The following RBM4 variants were observed in gnomAD, a reference collection of about 807,000 sequenced individuals.
RBM4 encodes RNA-binding protein 4.
RBM4 carries 7 observed loss-of-function variants against 29.5 expected under a neutral mutation model. That is an observed-to-expected ratio of 0.24 (90% confidence interval 0.14 to 0.45). RBM4 has a LOEUF of 0.45. RBM4 is among the 20% of genes least tolerant of loss of function. The pLI is 1.00. For synonymous variants in RBM4, 220 were observed against 205.4 expected, an observed-to-expected ratio of 1.07 and a Z score of -0.61; for missense variants, 387 against 502.3, an observed-to-expected ratio of 0.77 and a Z score of 2.19.
chr11:66,653,096 G>C (rs1448709165), intron 2 of RBM4, among the ~76,000 whole-genome samples: 2 of 152,140 alleles, frequency 1.3e-5, no homozygotes, highest in Non-Finnish European at 2.9e-5. Flanking sequence ...AGAATTGTTT[G>C]TATTCAGATA....
At chr11:66,657,524 A>C (rs1015293270) in intron 2 of RBM4, among the ~76,000 whole-genome samples, 7 of 151,664 alleles carry the variant, frequency 4.6e-5, no homozygotes, top group African/African-American at 1.7e-4. Context: ...TCTACTAAAA[A>C]TGTAAAATAT....
chr11:66,658,253 C>A (rs909959808), intron 2 of RBM4, among the ~76,000 whole-genome samples: 2 of 150,900 alleles, frequency 1.3e-5, no homozygotes, highest in African/African-American at 4.9e-5. Context: ...GTTTTGAACT[C>A]CCGACCTCAG....
intron 2 of RBM4, among the ~76,000 whole-genome samples, chr11:66,654,893 C>T (rs1010582319): frequency 6.6e-6 from 1 of 151,714 alleles, no homozygotes; most frequent in African/African-American, 2.4e-5. Flanking sequence ...GGCGCCATTT[C>T]GGCTCACTAC....
chr11:66,645,468 T>C (rs1938650837), intron 3 of RBM4, among the ~76,000 whole-genome samples: 1 of 152,194 alleles, frequency 6.6e-6, no homozygotes, highest in South Asian at 2.1e-4. Flanking sequence ...AGACTTGATG[T>C]GTAGCTTATA....
chr11:66,650,035 A>AGAT (rs1938790992), downstream of RBM4: 1 of 491,376 alleles, frequency 2.0e-6, no homozygotes, highest in East Asian at 3.4e-5. Flanking sequence ...GCGAATACAA[A>AGAT]GATGAATAGG....
intron 2 of RBM4, chr11:66,665,042 AAGGG>A (rs1435341315): frequency 6.6e-6 from 1 of 152,416 alleles, no homozygotes; most frequent in East Asian, 1.9e-4. Context: ...TTTTTTAAAA[AAGGG>A]AGGAGTGGAG....
downstream of RBM4, among the ~76,000 whole-genome samples, chr11:66,646,750 C>T (rs1938704737): frequency 6.6e-6 from 1 of 152,182 alleles, no homozygotes. Flanking sequence ...TCTAGAGAAA[C>T]AGTCACCACC....
At chr11:66,653,942 A>G (rs1272623111) in intron 2 of RBM4, among the ~76,000 whole-genome samples, 1 of 151,910 alleles carries the variant, frequency 6.6e-6, no homozygotes, top group African/African-American at 2.4e-5. Context: ...CTGTAGTCTC[A>G]GGTACTTGGA....
intron 2 of RBM4, among the ~76,000 whole-genome samples, chr11:66,661,448 A>G (rs530418344): frequency 3.5e-4 from 54 of 152,262 alleles, no homozygotes; most frequent in African/African-American, 1.2e-3. Context: ...ACAAGTTTCT[A>G]ACAGCACCTT....
At chr11:66,648,822 A>G (rs571533155), downstream of RBM4, among the ~76,000 whole-genome samples, 29 of 149,524 alleles carry the variant, frequency 1.9e-4, no homozygotes, top group African/African-American at 6.6e-4. Flanking sequence ...CAAAAAAAAA[A>G]TTTTTTTTTT....
chr11:66,666,242 A>T (rs72923084), exon 3 of RBM4: 1 of 995,660 alleles, frequency 1.0e-6, no homozygotes, highest in Admixed American at 4.4e-5. Flanking sequence ...CCAGACACCA[A>T]TGGCTGGGGG....
intron 2 of RBM4, among the ~76,000 whole-genome samples, chr11:66,653,110 A>G (rs1336181400): frequency 6.6e-6 from 1 of 152,144 alleles, no homozygotes; most frequent in East Asian, 1.9e-4. Flanking sequence ...TCAGATATGC[A>G]ACAAGATGGG....
intron 2 of RBM4, among the ~76,000 whole-genome samples, chr11:66,653,852 C>T (rs1305834638): frequency 1.4e-5 from 2 of 146,436 alleles, no homozygotes; most frequent in Non-Finnish European, 1.5e-5. Flanking sequence ...CCTGCTCTGT[C>T]GCCCAGGATA....
chr11:66,668,283 GATATACA>G, exon 3 of RBM4: 4 of 223,350 alleles, frequency 1.8e-5, no homozygotes, highest in South Asian at 2.1e-4. Flanking sequence ...TCGTGTAGAT[GATATACA>G]GAGGGCACAT....
chr11:66,642,096 C>A (rs1460194854), intron 2 of RBM4, among the ~76,000 whole-genome samples: 1 of 152,218 alleles, frequency 6.6e-6, no homozygotes, highest in Non-Finnish European at 1.5e-5. Context: ...TATCTACTCT[C>A]TTTTAATAAC....
At chr11:66,648,187 T>C (rs143360701), downstream of RBM4, among the ~76,000 whole-genome samples, 2,103 of 151,466 alleles carry the variant, frequency 0.014, 50 homozygotes, top group African/African-American at 0.048. Flanking sequence ...GCCTGGGCAA[T>C]GAGCAAAACT....
intron 2 of RBM4, among the ~76,000 whole-genome samples, chr11:66,658,646 A>T (rs2135088119): frequency 6.6e-6 from 1 of 152,112 alleles, no homozygotes; most frequent in African/African-American, 2.4e-5. Context: ...GATTTAAAAA[A>T]TTAATATAAG....
At chr11:66,664,382 T>C (rs1939156044) in intron 2 of RBM4, among the ~76,000 whole-genome samples, 1 of 151,952 alleles carries the variant, frequency 6.6e-6, no homozygotes, top group Non-Finnish European at 1.5e-5. Context: ...ACTCCTGACC[T>C]CAGGTGATCT....
chr11:66,659,951 T>C (rs1590873923), intron 2 of RBM4, among the ~76,000 whole-genome samples: 2 of 152,314 alleles, frequency 1.3e-5, no homozygotes, highest in East Asian at 1.9e-4. Context: ...ACTTAGAACC[T>C]TTCAGCAACT....
Sources: gnomAD v4.1 joint callset for allele counts (sites outside exome capture counted in the v4.1 genomes callset) on GRCh38, gnomAD v4.1.1 for gene constraint, MANE v1.5 for transcripts, NCBI Gene and HGNC (gene_info 2026-07-23, HGNC 2026-07-21) for gene names.